Variants in TTC6 observed in about 807,000 individuals in gnomAD.
The protein encoded by TTC6 is tetratricopeptide repeat protein 6.
A neutral mutation model predicts 210.4 loss-of-function variants in TTC6; 172 were observed. The observed-to-expected ratio is 0.82, with a 90% confidence interval of 0.72 to 0.93. TTC6 has a LOEUF of 0.93. Ranked by LOEUF, TTC6 falls within the 40% of genes least tolerant of loss-of-function variation. The pLI, the probability that TTC6 is intolerant of heterozygous loss-of-function variation, is 0.00. For synonymous variants in TTC6, 804 were observed against 819.6 expected (o/e 0.98, Z 0.32); for missense variants, 2,414 against 2,318.1 (o/e 1.04, Z -0.85).
At chr14:37,764,582 G>A (rs972639818) in intron 14 of TTC6, among the ~76,000 whole-genome samples, 2 of 152,006 alleles carry the variant, frequency 1.3e-5, no homozygotes, top group African/African-American at 4.8e-5. Context: ...TATTAGCAAA[G>A]CTACTCCCAC....
intron 29 of TTC6, chr14:37,837,455 C>A (rs1196846209): frequency 2.0e-5 from 9 of 453,876 alleles, no homozygotes; most frequent in Admixed American, 7.1e-5. Flanking sequence ...CCCCTCCCCC[C>A]AACCTGTCCC....
chr14:37,609,342 G>A (rs749337068), intron 2 of TTC6, among the ~76,000 whole-genome samples: 1 of 152,128 alleles, frequency 6.6e-6, no homozygotes, highest in Non-Finnish European at 1.5e-5. Flanking sequence ...CTTGAGCCTG[G>A]GAAGTCAAGG....
At chr14:37,736,002 A>C in exon 8 of TTC6, 2 of 1,521,214 alleles carry the variant, frequency 1.3e-6, no homozygotes, top group Non-Finnish European at 1.8e-6. Context: ...TAGCAGAACA[A>C]ATTTTTGGGT....
chr14:37,842,368 G>A (rs1390597175), exon 31 of TTC6: 12 of 1,304,474 alleles, frequency 9.2e-6, no homozygotes, highest in Non-Finnish European at 1.2e-5. Flanking sequence ...TGTCTAAAAG[G>A]TTCTACCATT....
intron 14 of TTC6, among the ~76,000 whole-genome samples, chr14:37,782,390 T>A (rs960831281): frequency 1.3e-5 from 2 of 152,206 alleles, no homozygotes; most frequent in African/African-American, 4.8e-5. Flanking sequence ...TTTGAAGCAA[T>A]TGTGAATGGG....
At position 37,606,748 on chromosome 14, in the gene TTC6, A is replaced by G. The variant is rs2095625917; in HGVS notation, c.-155+6A>G. On this transcript the variant is annotated splice_donor_region_variant and intron_variant, in intron 2 of 2. Coordinates refer to the TTC6 transcript ENST00000556845. ...CAAGGATTCATGGAAGTGAGGTATG[A>G]TGTCTTCAGTTCTTTCCAGTTCATC... The G allele has an allele frequency of 1.0e-6, 1 of 985,282 alleles. No homozygotes were observed. Among genetic ancestry groups the G allele is most frequent in the Non-Finnish European group, 1.2e-6 (1 of 829,900 alleles). The allele number at this position is 985,282 out of a possible 1,614,324, so 61.0% of individuals were successfully genotyped here.
intron 3 of TTC6, among the ~76,000 whole-genome samples, chr14:37,684,579 T>G (rs1423411204): frequency 1.3e-5 from 2 of 152,190 alleles, no homozygotes; most frequent in African/African-American, 4.8e-5. Flanking sequence ...GAAGAGAATG[T>G]CTAATAAAAT....
intron 29 of TTC6, among the ~76,000 whole-genome samples, chr14:37,829,033 T>C (rs1367351392): frequency 6.6e-6 from 1 of 152,066 alleles, no homozygotes; most frequent in East Asian, 1.9e-4. Context: ...TCCTCCTTTG[T>C]TTCTTTTAAT....
intron 14 of TTC6, among the ~76,000 whole-genome samples, chr14:37,768,419 C>G (rs1356544143): frequency 4.6e-5 from 7 of 151,958 alleles, no homozygotes; most frequent in Non-Finnish European, 1.0e-4. Flanking sequence ...GATATTGATT[C>G]TTCCTACCCA....
rs79098985 is a variant in TTC6 at position 37,670,475 on chromosome 14, T to C, written c.940-9676T>C. ...AAGGATCTAGCACAAACTACCTCACTTTTTTTTTTTTTTTTTTTTTAGTCT... is the reference window on the plus strand; with the variant it reads ...AAGGATCTAGCACAAACTACCTCACCTTTTTTTTTTTTTTTTTTTTAGTCT... On this transcript the variant is annotated intron_variant, in intron 1 of 30. Coordinates refer to ENST00000553443, the Ensembl canonical transcript of TTC6. Among the ~76,000 whole-genome samples, 339 of 59,408 alleles carry C rather than the reference T, an allele frequency of 5.7e-3. 5 individuals are homozygous for C. The highest frequency in any genetic ancestry group is 0.011 in the South Asian group (11 of 1,002). The allele number at this position is 59,408 out of a possible 152,430, so 39.0% of individuals were successfully genotyped here. A position where few individuals can be genotyped will look rare whatever the true frequency, so the allele number is the denominator to read the frequency against.
chr14:37,680,377 G>T, intron 2 of TTC6, 116 bp downstream of exon 4: 1 of 661,738 alleles, frequency 1.5e-6, no homozygotes, highest in Non-Finnish European at 2.5e-6. Context: ...TTAGAAGTGT[G>T]TTTACCTGTG....
Position 37,781,242 on chromosome 14 carries a change from C to T in TTC6, c.3267-6226C>T, listed in dbSNP as rs948894041. Among the ~76,000 whole-genome samples the T allele has an allele frequency of 3.9e-5, 6 of 152,198 alleles. No individual in the cohort carries two copies. In the East Asian group the frequency reaches 1.2e-3, roughly 29 times the overall value. The stretch of plus-strand genomic sequence containing the variant: ...ATGGTTGAACTAATTTACACTCCCA[C>T]CAACAGTGTAAAAGTGTTCCTATTT... On this transcript the variant is annotated intron_variant, in intron 14 of 30. Transcript: ENST00000553443.
At chr14:37,827,469 T>C in intron 29 of TTC6, 103 bp downstream of exon 31, 1 of 1,056,752 alleles carries the variant, frequency 9.5e-7, no homozygotes, top group Non-Finnish European at 1.4e-6. Context: ...TAATAATGCA[T>C]TGGCTATTAG....
At chr14:37,602,136 C>T (rs1037722385) in intron 1 of TTC6, among the ~76,000 whole-genome samples, 4 of 152,214 alleles carry the variant, frequency 2.6e-5, no homozygotes, top group Non-Finnish European at 4.4e-5. Flanking sequence ...CTCTGCGCGC[C>T]CGCAGGGCAG....
chr14:37,768,903 G>A (rs375091390), intron 14 of TTC6, among the ~76,000 whole-genome samples: 5 of 150,296 alleles, frequency 3.3e-5, no homozygotes, highest in Non-Finnish European at 6.0e-5. Flanking sequence ...AATGCTTCCA[G>A]TTTTTGCCCA....
At chr14:37,832,335 T>C (rs1280990717) in intron 29 of TTC6, among the ~76,000 whole-genome samples, 288 of 115,496 alleles carry the variant, frequency 2.5e-3, no homozygotes, top group South Asian at 6.7e-3. Flanking sequence ...CTCTCTTTTT[T>C]TTTTTTTTTT....
chr14:37,712,065 A>G (rs1387035242), intron 5 of TTC6, among the ~76,000 whole-genome samples: 1 of 152,194 alleles, frequency 6.6e-6, no homozygotes, highest in Non-Finnish European at 1.5e-5. Flanking sequence ...TTTGTCATAC[A>G]GGAGCATAAA....
chr14:37,703,368 GTTAATTTA>G (rs1252169785), intron 5 of TTC6, among the ~76,000 whole-genome samples: 1 of 152,058 alleles, frequency 6.6e-6, no homozygotes, highest in East Asian at 1.9e-4. Context: ...CAAATAAGAA[GTTAATTTA>G]AGTACTGAAT....
intron 14 of TTC6, among the ~76,000 whole-genome samples, chr14:37,753,619 G>A (rs916297526): frequency 6.6e-6 from 1 of 151,926 alleles, no homozygotes; most frequent in Non-Finnish European, 1.5e-5. Flanking sequence ...CCCTGTCTAC[G>A]GTGCAGTGAC....
Sources: allele counts gnomAD v4.1 joint callset (sites outside exome capture counted in the v4.1 genomes callset), GRCh38; gene constraint gnomAD v4.1.1; transcripts MANE v1.5; gene names NCBI Gene and HGNC (gene_info 2026-07-23, HGNC 2026-07-21).